ASIC2: variants seen among roughly 807,000 people sequenced by gnomAD.
ASIC2 encodes the protein acid-sensing ion channel 2.
A neutral mutation model predicts 57.3 loss-of-function variants in ASIC2; 25 were observed. That is an observed-to-expected ratio of 0.44 (90% CI 0.32 to 0.61). ASIC2 has a LOEUF of 0.61. ASIC2 is among the 20% of genes least tolerant of loss of function. The pLI is 0.06. For synonymous variants in ASIC2, 319 were observed against 307.5 expected, an observed-to-expected ratio of 1.04 and a Z score of -0.39; for missense variants, 641 against 738.1, an observed-to-expected ratio of 0.87 and a Z score of 1.52.
rs564441935 is a variant in ASIC2, at chr17:33,459,075, C to G, written c.556-347008G>C. On this transcript the variant is annotated intron_variant, in intron 1 of 9. Transcript: ENST00000359872. ...TCAATTCTGGTGACCGCATTACCTT[C>G]GTTTTTTTGTTTTTTGTGTTTTCTG... is the stretch of plus-strand genomic sequence containing the variant. Among the ~76,000 whole-genome samples, 18 of 151,792 alleles carry G rather than the reference C, an allele frequency of 1.2e-4. No homozygotes were observed. The South Asian group carries it at 3.4e-3, about 28-fold the overall frequency.
At chr17:33,799,576 C>A (rs1346153819) in intron 1 of ASIC2, among the ~76,000 whole-genome samples, 1 of 148,738 alleles carries the variant, frequency 6.7e-6, no homozygotes, top group African/African-American at 2.5e-5. Context: ...TATTTTTCTC[C>A]AAAATGCCAA....
At chr17:33,572,850 C>T (rs763990677) in intron 1 of ASIC2, among the ~76,000 whole-genome samples, 1 of 152,224 alleles carries the variant, frequency 6.6e-6, no homozygotes, top group Non-Finnish European at 1.5e-5. Flanking sequence ...TGGAAGCACA[C>T]AGCTGTCATC....
At chr17:33,481,520 A>G (rs1044420437) in intron 1 of ASIC2, among the ~76,000 whole-genome samples, 14 of 125,372 alleles carry the variant, frequency 1.1e-4, no homozygotes, top group Non-Finnish European at 2.1e-4. Flanking sequence ...TCATCCATTC[A>G]CAAGAAAGAG....
rs746167857 is a variant in ASIC2 at position 34,156,437 on chromosome 17, G to A, written c.96C>T (p.Ile32=). The change falls in exon 1 of 10, where the codon ATC becomes ATT. Residue 32 remains isoleucine, a synonymous_variant. Coordinates refer to the ASIC2 transcript ENST00000359872. The surrounding 1 kb of genome is among the most constrained non-coding windows in gnomAD (Gnocchi z 4.4). ...GGATGGTCAGCGGCCCATACACGAA[G>A]ATGTGGCGGATGCCATGGAGGGTGG... The A allele has an allele frequency of 6.2e-7, 1 of 1,614,196 alleles. No individual in the cohort carries two copies. Among genetic ancestry groups the A allele is most frequent in the Non-Finnish European group, 8.5e-7 (1 of 1,180,032 alleles).
intron 1 of ASIC2, among the ~76,000 whole-genome samples, chr17:33,780,117 C>T (rs564372149): frequency 6.6e-6 from 1 of 151,852 alleles, no homozygotes; most frequent in Non-Finnish European, 1.5e-5. Flanking sequence ...AACACAGGTG[C>T]CCGCCACCAT....
intron 1 of ASIC2, among the ~76,000 whole-genome samples, chr17:33,444,632 T>C (rs1911948763): frequency 8.9e-6 from 1 of 112,040 alleles, no homozygotes; most frequent in African/African-American, 3.2e-5. Context: ...TAGGGTAGTG[T>C]AGGGATAGGA....
At chr17:33,774,350 A>G in intron 1 of ASIC2, among the ~76,000 whole-genome samples, 1 of 152,202 alleles carries the variant, frequency 6.6e-6, no homozygotes, top group Non-Finnish European at 1.5e-5. Context: ...TATGGGTTGA[A>G]TGAGAGTCTG....
intron 1 of ASIC2, among the ~76,000 whole-genome samples, chr17:33,890,243 C>G (rs1339021438): frequency 6.6e-6 from 1 of 152,146 alleles, no homozygotes; most frequent in African/African-American, 2.4e-5. Flanking sequence ...TTGGACAGCT[C>G]TCTATTTGCT....
upstream of ASIC2, among the ~76,000 whole-genome samples, chr17:33,294,408 G>A (rs1261908272): frequency 6.6e-6 from 1 of 151,998 alleles, no homozygotes; most frequent in East Asian, 1.9e-4. Flanking sequence ...GGGCAATTTG[G>A]CCAGATCTGT....
At chr17:33,299,079 GA>G (rs1485328276) in intron 1 of ASIC2, among the ~76,000 whole-genome samples, 2 of 152,148 alleles carry the variant, frequency 1.3e-5, no homozygotes, top group African/African-American at 4.8e-5. Flanking sequence ...CACAGAATTG[GA>G]AAAAACTACT....
intron 1 of ASIC2, among the ~76,000 whole-genome samples, chr17:33,983,246 G>A (rs891152380): frequency 6.6e-6 from 1 of 152,244 alleles, no homozygotes; most frequent in Admixed American, 6.5e-5. Flanking sequence ...AGAATGCCAG[G>A]AAAAAGCACT....
chr17:33,806,352 A>G (rs1401681557), intron 1 of ASIC2, among the ~76,000 whole-genome samples: 4 of 152,268 alleles, frequency 2.6e-5, no homozygotes, highest in African/African-American at 4.8e-5. Flanking sequence ...GCCACAAAAT[A>G]TCATTCTTCT....
chr17:34,014,217 A>T (rs551864015), intron 1 of ASIC2, among the ~76,000 whole-genome samples: 1 of 152,348 alleles, frequency 6.6e-6, no homozygotes, highest in Admixed American at 6.5e-5. Flanking sequence ...TAAATGAGGT[A>T]AGTAATGCTT....
chr17:33,604,197 A>G (rs1905172603), intron 1 of ASIC2, among the ~76,000 whole-genome samples: 1 of 152,204 alleles, frequency 6.6e-6, no homozygotes, highest in Non-Finnish European at 1.5e-5. Flanking sequence ...TGCAAAAAAT[A>G]CCTAGTGATA....
At chr17:33,311,327 A>T (rs959509994) in intron 1 of ASIC2, among the ~76,000 whole-genome samples, 7 of 152,082 alleles carry the variant, frequency 4.6e-5, no homozygotes, top group Admixed American at 3.3e-4. Flanking sequence ...CCTGACTCCA[A>T]AGACTGTGCT....
chr17:33,740,437 A>G (rs1469948917), intron 1 of ASIC2, among the ~76,000 whole-genome samples: 1 of 152,244 alleles, frequency 6.6e-6, no homozygotes, highest in African/African-American at 2.4e-5. Context: ...CTGAGCAAAA[A>G]GGGGAAAAGC....
At position 33,944,982 on chromosome 17, in the gene ASIC2, C is replaced by T. The variant is rs986983757; in HGVS notation, c.555+210996G>A. On this transcript the variant is annotated intron_variant, in intron 1 of 9. Coordinates refer to the ASIC2 transcript ENST00000359872. ...AAGAGCCTTGTCCTGCCAAGGGTTGCTGAGCATCCACTGGAAACTGTGTAT... is the reference window on the plus strand; with the variant it reads ...AAGAGCCTTGTCCTGCCAAGGGTTGTTGAGCATCCACTGGAAACTGTGTAT... Among the ~76,000 whole-genome samples, 6 of 152,196 alleles carry T rather than the reference C, an allele frequency of 3.9e-5. No individual in the cohort carries two copies. The South Asian group carries it at 8.3e-4, about 21-fold the overall frequency.
intron 1 of ASIC2, among the ~76,000 whole-genome samples, chr17:33,785,886 A>G (rs1051183030): frequency 2.0e-5 from 3 of 152,202 alleles, no homozygotes; most frequent in African/African-American, 7.2e-5. Context: ...AAGTGCATTC[A>G]AACTACCACA....
At chr17:33,919,023 G>A (rs1915650554) in intron 1 of ASIC2, among the ~76,000 whole-genome samples, 2 of 152,194 alleles carry the variant, frequency 1.3e-5, no homozygotes, top group African/African-American at 4.8e-5. Context: ...ATTGGGGGGT[G>A]TGCCATGATC....
Sources: gnomAD v4.1 joint callset for allele counts (sites outside exome capture counted in the v4.1 genomes callset) on GRCh38, gnomAD v4.1.1 for gene constraint, Gnocchi (gnomAD v3.1) non-coding constraint, MANE v1.5 for transcripts, NCBI Gene and HGNC (gene_info 2026-07-23, HGNC 2026-07-21) for gene names.